ANO6: variants seen among roughly 807,000 people sequenced by gnomAD.
The protein encoded by ANO6 is anoctamin 6.
ANO6 carries 106 observed loss-of-function variants against 117.5 expected under a neutral mutation model. That is an observed-to-expected ratio of 0.90 (90% CI 0.77 to 1.06). The LOEUF is 1.06. Ranked by LOEUF, ANO6 falls within the 50% of genes least tolerant of loss-of-function variation. The probability of loss-of-function intolerance (pLI) is 0.00; values close to 1 mark genes in which losing one functional copy is unlikely to be tolerated. For missense variants in ANO6, 955 were observed against 1,121.1 expected, an observed-to-expected ratio of 0.85 and a Z score of 2.12; for synonymous variants, 367 against 385.1, an observed-to-expected ratio of 0.95 and a Z score of 0.55.
chr12:45,402,223 A>G lies in ANO6; in HGVS notation c.1612+203A>G, dbSNP rs576811791. Among the ~76,000 whole-genome samples the G allele has an allele frequency of 2.0e-5, 3 of 152,384 alleles. No individual in the cohort carries two copies. The East Asian group carries it at 5.8e-4, about 29-fold the overall frequency. On this transcript the variant is annotated intron_variant, in intron 13 of 19. Coordinates refer to ENST00000320560, the MANE Select transcript of ANO6 (RefSeq NM_001025356.3). ...TAAAAGGGACAAAGCAAAGACAATCATCATAACGTCCAAGCTCTCTGTAAA... is the reference window on the plus strand; with the variant it reads ...TAAAAGGGACAAAGCAAAGACAATCGTCATAACGTCCAAGCTCTCTGTAAA...
At chr12:45,402,212 C>T (rs192794954) in intron 13 of ANO6, among the ~76,000 whole-genome samples, 192 bp downstream of exon 13, 8 of 152,266 alleles carry the variant, frequency 5.3e-5, no homozygotes. Context: ...AGGGACAAAG[C>T]AAAGACAATC....
At chr12:45,274,898 AGC>A (rs1194347350) in intron 1 of ANO6, among the ~76,000 whole-genome samples, 3 of 149,368 alleles carry the variant, frequency 2.0e-5, no homozygotes, top group Non-Finnish European at 4.4e-5. Flanking sequence ...ACCTACTCAG[AGC>A]TGTCACCCCT....
At chr12:45,418,160 G>A (rs116429106) in intron 17 of ANO6, among the ~76,000 whole-genome samples, 1,824 of 152,140 alleles carry the variant, frequency 0.012, 39 homozygotes, top group African/African-American at 0.039. Flanking sequence ...ACCCCAATTG[G>A]AGGCACAGGA....
intron 1 of ANO6, among the ~76,000 whole-genome samples, chr12:45,230,033 G>C (rs1452666227): frequency 6.6e-6 from 1 of 152,098 alleles, no homozygotes. Flanking sequence ...AATATTGTGG[G>C]TAGTTGCTTT....
At chr12:45,362,069 C>A (rs906360372) in intron 8 of ANO6, among the ~76,000 whole-genome samples, 2 of 151,998 alleles carry the variant, frequency 1.3e-5, no homozygotes, top group Admixed American at 1.3e-4. Context: ...GGTGTTAATT[C>A]TTCTTTAAAT....
Position 45,348,537 on chromosome 12 carries a change from G to T in ANO6, c.653G>T (p.Arg218Leu). ...RSRIVYFILS[R>L]VKYQVINNVS... ...TTTTAGGTTTACTTCATCCTCTCTC[G>T]GGTCAAGTATCAAGTGATAAACAAT... Residue 218 changes from arginine to leucine, a missense_variant, in exon 6 of 20, where the codon CGG (arginine) becomes CTG (leucine). Transcript: ENST00000320560. 1 of 1,613,704 alleles carries T rather than the reference G, an allele frequency of 6.2e-7. No homozygotes were observed. Among genetic ancestry groups the T allele is most frequent in the South Asian group, 1.1e-5 (1 of 91,066 alleles).
At position 45,428,151 on chromosome 12, in the gene ANO6, A is replaced by G. The variant is rs1343690910; in HGVS notation, c.2527-954A>G. Reference sequence around the variant, plus strand: ...GCAGATAATGCTCTAGGATTCAAGCACAATAATGTTCACAACAGCATTTTT... The same window carrying G: ...GCAGATAATGCTCTAGGATTCAAGCGCAATAATGTTCACAACAGCATTTTT... On this transcript the variant is annotated intron_variant, in intron 19 of 19. Coordinates refer to ENST00000320560, the MANE Select transcript of ANO6 (RefSeq NM_001025356.3). 2.0e-5 allele frequency among the ~76,000 whole-genome samples: 3 copies of G among 152,222 alleles called. No individual in the cohort carries two copies. The East Asian group carries it at 5.8e-4, about 29-fold the overall frequency.
intron 1 of ANO6, among the ~76,000 whole-genome samples, chr12:45,219,272 A>G (rs557651243): frequency 6.6e-6 from 1 of 152,308 alleles, no homozygotes. Context: ...GCCCTCTAGT[A>G]GCTGGAATTT....
chr12:45,438,616 C>T (rs910378992), intron 19 of ANO6, among the ~76,000 whole-genome samples: 3 of 152,090 alleles, frequency 2.0e-5, no homozygotes, highest in African/African-American at 7.2e-5. Flanking sequence ...GTGTTTAGAC[C>T]TGGGCCCCAT....
At chr12:45,225,499 T>C (rs1014652480) in intron 1 of ANO6, among the ~76,000 whole-genome samples, 3 of 152,132 alleles carry the variant, frequency 2.0e-5, no homozygotes, top group Non-Finnish European at 4.4e-5. Context: ...TTTAGATTTT[T>C]TTTTTTTGAG....
rs562415698 is a variant in ANO6, at chr12:45,346,707, G to A, written c.280-315G>A. On this transcript the variant is annotated intron_variant, in intron 3 of 19. Transcript: ENST00000320560. ...TATGCTTTTATGAGCCAAAAAGTAC[G>A]TGGGATTGTGTCAAAGCAGGATACT... Among the ~76,000 whole-genome samples the A allele has an allele frequency of 3.2e-4, 48 of 152,260 alleles. 1 individual carries two copies. Among genetic ancestry groups the A allele is most frequent in the Middle Eastern group, 3.4e-3 (1 of 294 alleles).
At chr12:45,393,509 T>G (rs1233198540) in intron 12 of ANO6, among the ~76,000 whole-genome samples, 1 of 151,872 alleles carries the variant, frequency 6.6e-6, no homozygotes, top group Non-Finnish European at 1.5e-5. Context: ...ACAAAGATAC[T>G]CCTTGAGAAG....
In ANO6 at chr12:45,378,869, G is replaced by A. The variant is rs539723499; in HGVS notation, c.1165+756G>A. Reference sequence around the variant, plus strand: ...GATATTTAATGAGTATCTGCTACTCGTATAATAACAACAAACTCTACTTAC... The same window carrying A: ...GATATTTAATGAGTATCTGCTACTCATATAATAACAACAAACTCTACTTAC... On this transcript the variant is annotated intron_variant, in intron 10 of 19. Coordinates refer to ENST00000320560, the MANE Select transcript of ANO6 (RefSeq NM_001025356.3). Among the ~76,000 whole-genome samples, 96 of 152,230 alleles carry A rather than the reference G, an allele frequency of 6.3e-4. 1 individual carries two copies. The highest frequency in any genetic ancestry group is 1.8e-3 in the African/African-American group (73 of 41,532).
At chr12:45,216,900 G>A (rs922333823) in intron 1 of ANO6, among the ~76,000 whole-genome samples, 17 of 152,188 alleles carry the variant, frequency 1.1e-4, no homozygotes, top group South Asian at 4.1e-4. Context: ...GCCCCGGGAA[G>A]TGATTTGTGG....
At chr12:45,328,533 T>C (rs545401581) in intron 2 of ANO6, among the ~76,000 whole-genome samples, 1 of 152,288 alleles carries the variant, frequency 6.6e-6, no homozygotes, top group South Asian at 2.1e-4. Context: ...GCCTGAGCTC[T>C]GCAACAGTTA....
chr12:45,360,090 C>A (rs552953886), intron 8 of ANO6, among the ~76,000 whole-genome samples: 2 of 152,130 alleles, frequency 1.3e-5, no homozygotes, highest in South Asian at 4.1e-4. Context: ...AAATCCCTTG[C>A]CTATTTTAGT....
At chr12:45,361,783 G>A (rs1941561807) in intron 8 of ANO6, among the ~76,000 whole-genome samples, 1 of 152,032 alleles carries the variant, frequency 6.6e-6, no homozygotes, top group South Asian at 2.1e-4. Context: ...CTATTAATAT[G>A]GTATATTACA....
At chr12:45,423,157 T>C in intron 19 of ANO6, 95 bp downstream of exon 19, 5 of 907,324 alleles carry the variant, frequency 5.5e-6, no homozygotes, top group Non-Finnish European at 9.2e-6. Context: ...TGTGTGATAC[T>C]TTCTTCTTAT....
At position 45,348,336 on chromosome 12, in the gene ANO6, G is replaced by A. The variant is rs759218290; in HGVS notation, c.633+21G>A. 2.7e-5 allele frequency: 43 copies of A among 1,613,834 alleles called. No homozygotes were observed. The South Asian group carries it at 3.7e-4, about 14-fold the overall frequency. On this transcript the variant is annotated intron_variant, in intron 5 of 19. Coordinates refer to ENST00000320560, the MANE Select transcript of ANO6 (RefSeq NM_001025356.3). ...GCATTGTAAGTCTAAACCAAATTTA[G>A]TTGCTGTCTTGGGGTAATTTGGAAC...
Sources: allele counts gnomAD v4.1 joint callset (sites outside exome capture counted in the v4.1 genomes callset), GRCh38; gene constraint gnomAD v4.1.1; transcripts MANE v1.5; gene names NCBI Gene and HGNC (gene_info 2026-07-23, HGNC 2026-07-21).